Variants in GAS2L3 observed in about 807,000 individuals in gnomAD.
The protein encoded by GAS2L3 is growth arrest specific 2 like 3.
GAS2L3 carries 28 observed loss-of-function variants against 37.0 expected under a neutral mutation model. The observed-to-expected ratio is 0.76, with a 90% CI of 0.56 to 1.04. The LOEUF is 1.04. Among genes scored for constraint, GAS2L3 ranks in the 50% least tolerant of loss-of-function variants. GAS2L3 has a pLI of 0.00. For synonymous variants in GAS2L3, 290 were observed against 296.6 expected, an observed-to-expected ratio of 0.98 and a Z score of 0.23; for missense variants, 793 against 817.6, an observed-to-expected ratio of 0.97 and a Z score of 0.37.
intron 1 of GAS2L3, among the ~76,000 whole-genome samples, chr12:100,576,019 C>T (rs1010869180): frequency 1.3e-5 from 2 of 151,814 alleles, no homozygotes; most frequent in African/African-American, 4.8e-5. Flanking sequence ...GATGGTAAAT[C>T]AAAATTTGTG....
intron 4 of GAS2L3, among the ~76,000 whole-genome samples, chr12:100,601,201 G>T (rs531986077): frequency 6.6e-6 from 1 of 152,164 alleles, no homozygotes; most frequent in African/African-American, 2.4e-5. Flanking sequence ...TTATCAGTTT[G>T]ATGGATAATA....
intron 1 of GAS2L3, chr12:100,579,755 G>C: frequency 1.4e-6 from 1 of 724,514 alleles, no homozygotes; most frequent in East Asian, 2.4e-5. Context: ...GAATTCCTGA[G>C]GTGCTTCCGG....
In GAS2L3 at chr12:100,626,428, C is replaced by T. The variant is rs751549060; in HGVS notation, c.*1538C>T. 15 of 152,222 alleles carry T rather than the reference C, an allele frequency of 9.9e-5. No individual in the cohort carries two copies. The highest frequency in any genetic ancestry group is 3.4e-3 in the Middle Eastern group (1 of 294). The allele number at this position is 152,222 out of a possible 1,614,324, so 9.4% of individuals were successfully genotyped here. Reference sequence around the variant, plus strand: ...TTCTCTTCTTTAAAGAGACAGTCACCAAATACTTGGTTTAACTCGACTATT... The same window carrying T: ...TTCTCTTCTTTAAAGAGACAGTCACTAAATACTTGGTTTAACTCGACTATT... On this transcript the variant is annotated 3_prime_UTR_variant, in exon 10 of 10. Transcript: ENST00000547754.
chr12:100,602,239 T>G (rs1438411175), intron 5 of GAS2L3, among the ~76,000 whole-genome samples: 1 of 152,148 alleles, frequency 6.6e-6, no homozygotes, highest in Non-Finnish European at 1.5e-5. Context: ...ATTGCATTAG[T>G]GGTAAATTTT....
chr12:100,607,739 AT>A (rs1372405373), intron 5 of GAS2L3, among the ~76,000 whole-genome samples: 4 of 152,074 alleles, frequency 2.6e-5, no homozygotes, highest in African/African-American at 9.6e-5. Context: ...TGTCAATTGC[AT>A]TTCTCAACTC....
chr12:100,623,563 T>G lies in GAS2L3; in HGVS notation c.758T>G (p.Met253Arg), dbSNP rs375615392. Residue 253 changes from methionine (M) to arginine (R), a missense_variant and splice_region_variant, in exon 10 of 10, where the codon ATG becomes AGG. By Grantham distance (91) the Met-to-Arg change is moderately conservative. Coordinates refer to ENST00000547754, the MANE Select transcript of GAS2L3 (RefSeq NM_174942.3). ...RLGDKILFIR[M>R]LHGKHVMVRV... ...CTTTTTGTTTTCCTTTGGGGGCAGA[T>G]GCTTCATGGAAAACATGTCATGGTT... is the stretch of plus-strand genomic sequence containing the variant. 3.8e-6 allele frequency: 6 copies of G among 1,592,430 alleles called. No individual in the cohort carries two copies. In the African/African-American group the frequency reaches 8.1e-5, roughly 22 times the overall value.
Position 100,628,009 on chromosome 12 carries a change from T to A in GAS2L3, c.*3119T>A. 6.6e-6 allele frequency: 1 copy of A among 152,214 alleles called. No homozygotes were observed. 9.4% of individuals were successfully genotyped at this position (152,214 alleles called of 1,614,324 possible). On this transcript the variant is annotated 3_prime_UTR_variant, in exon 10 of 10. Transcript: ENST00000547754. ...ATGCCTTGGTAAATTGGATGACCTC[T>A]AACTTTACTGTCCATATGGAGTTTG...
intron 1 of GAS2L3, among the ~76,000 whole-genome samples, chr12:100,582,302 G>T (rs1955723406): frequency 1.3e-5 from 2 of 152,374 alleles, no homozygotes; most frequent in African/African-American, 2.4e-5. Flanking sequence ...ATCAATTAGG[G>T]TGGGGCAGGA....
rs1488602097 is a variant in GAS2L3 at position 100,575,552 on chromosome 12, G to A, written c.-152+1767G>A. On this transcript the variant is annotated intron_variant, in intron 1 of 9. Transcript: ENST00000547754. Reference sequence around the variant, plus strand: ...GCTGGAGTGCAGTGGCGCGATCTCGGCTCACTGCAACCTCTGCCTCCCGGG... The same window carrying A: ...GCTGGAGTGCAGTGGCGCGATCTCGACTCACTGCAACCTCTGCCTCCCGGG... Among the ~76,000 whole-genome samples, 3 of 137,798 alleles carry A rather than the reference G, an allele frequency of 2.2e-5. No individual in the cohort carries two copies. The Admixed American group carries it at 2.5e-4, about 11-fold the overall frequency. 90.4% of individuals were successfully genotyped at this position (137,798 alleles called of 152,430 possible). A position where few individuals can be genotyped will look rare whatever the true frequency, so the allele number is the denominator to read the frequency against.
intron 8 of GAS2L3, among the ~76,000 whole-genome samples, chr12:100,621,816 T>C (rs1358808720): frequency 7.0e-6 from 1 of 143,092 alleles, no homozygotes; most frequent in Non-Finnish European, 1.5e-5. Context: ...TCAACAAATG[T>C]GTTAATTGAC....
At chr12:100,617,836 CAATGTT>C (rs1273736521) in intron 7 of GAS2L3, 29 bp downstream of exon 7, 16 of 1,328,854 alleles carry the variant, frequency 1.2e-5, no homozygotes, top group Non-Finnish European at 1.7e-5. Context: ...TTCAGAATTT[CAATGTT>C]ATAAACATTT....
At chr12:100,596,667 T>G (rs1041127277) in intron 3 of GAS2L3, among the ~76,000 whole-genome samples, 3 of 152,150 alleles carry the variant, frequency 2.0e-5, no homozygotes, top group African/African-American at 4.8e-5. Context: ...ACTAATTTAA[T>G]ACTTCAAGAT....
At chr12:100,622,617 G>C (rs1240048944) in intron 9 of GAS2L3, among the ~76,000 whole-genome samples, 4 of 151,412 alleles carry the variant, frequency 2.6e-5, no homozygotes, top group African/African-American at 9.7e-5. Flanking sequence ...AGATTATTTA[G>C]GCAGTGAGTA....
At chr12:100,607,078 G>A (rs1956066304) in intron 5 of GAS2L3, among the ~76,000 whole-genome samples, 1 of 152,158 alleles carries the variant, frequency 6.6e-6, no homozygotes, top group Non-Finnish European at 1.5e-5. Context: ...CTTTCAGACT[G>A]AAGAACTCAC....
chr12:100,620,778 T>C (rs867753734), intron 8 of GAS2L3, among the ~76,000 whole-genome samples: 76 of 152,106 alleles, frequency 5.0e-4, no homozygotes, highest in African/African-American at 1.8e-3. Context: ...AGACAGAAAG[T>C]GGTGACTAAA....
intron 1 of GAS2L3, among the ~76,000 whole-genome samples, chr12:100,586,404 A>G (rs147970521): frequency 1.3e-5 from 2 of 152,358 alleles, no homozygotes; most frequent in East Asian, 1.9e-4. Context: ...GAGGAGTAAT[A>G]CTAGAAATCA....
intron 1 of GAS2L3, among the ~76,000 whole-genome samples, chr12:100,588,709 A>G (rs992180012): frequency 2.0e-5 from 3 of 152,162 alleles, no homozygotes; most frequent in African/African-American, 7.2e-5. Flanking sequence ...ACTGTGTAAG[A>G]CAGACATTCC....
chr12:100,580,122 A>G (rs1955692209), intron 1 of GAS2L3: 1 of 897,692 alleles, frequency 1.1e-6, no homozygotes, highest in African/African-American at 1.6e-5. Flanking sequence ...CCACTGGGCC[A>G]AGGGGTGCCT....
intron 5 of GAS2L3, among the ~76,000 whole-genome samples, chr12:100,604,396 G>C (rs2136484947): frequency 6.7e-6 from 1 of 149,546 alleles, no homozygotes; most frequent in East Asian, 2.0e-4. Flanking sequence ...TCAGATTGTT[G>C]GCACAAAAAT....
Sources: gnomAD v4.1 joint callset for allele counts (sites outside exome capture counted in the v4.1 genomes callset) on GRCh38, gnomAD v4.1.1 for gene constraint, MANE v1.5 for transcripts, NCBI Gene and HGNC (gene_info 2026-07-23, HGNC 2026-07-21) for gene names.